TTC27: variants seen among roughly 807,000 people sequenced by gnomAD.
TTC27 encodes the protein tetratricopeptide repeat domain 27, also known as tetratricopeptide repeat protein 27.
Under a neutral mutation model 115.9 loss-of-function variants are expected in TTC27, and 79 were observed. That is an observed-to-expected ratio of 0.68 (90% CI 0.57 to 0.82). TTC27 has a LOEUF of 0.82. Ranked by LOEUF, TTC27 falls within the 40% of genes least tolerant of loss-of-function variation. The pLI, the probability that TTC27 is intolerant of heterozygous loss-of-function variation, is 0.00. For missense variants in TTC27, 1,054 were observed against 993.1 expected (o/e 1.06, Z -0.82); for synonymous variants, 401 against 356.0 (o/e 1.13, Z -1.42).
intron 10 of TTC27, among the ~76,000 whole-genome samples, chr2:32,720,051 C>T (rs1667871612): frequency 6.6e-6 from 1 of 152,150 alleles, no homozygotes; most frequent in Admixed American, 6.5e-5. Flanking sequence ...AGGATCTTCA[C>T]TTCTTAGGTA....
chr2:32,696,923 G>T (rs1193631389), intron 9 of TTC27, among the ~76,000 whole-genome samples: 1 of 152,182 alleles, frequency 6.6e-6, no homozygotes, highest in African/African-American at 2.4e-5. Context: ...TAGCCGATGG[G>T]CGTGGTGGCT....
intron 16 of TTC27, among the ~76,000 whole-genome samples, chr2:32,801,613 G>T (rs1670942665): frequency 6.6e-6 from 1 of 152,226 alleles, no homozygotes; most frequent in Non-Finnish European, 1.5e-5. Flanking sequence ...GCGCACCACA[G>T]CTTTTGTGCT....
At chr2:32,668,064 G>A (rs1001134962) in intron 7 of TTC27, among the ~76,000 whole-genome samples, 1 of 151,906 alleles carries the variant, frequency 6.6e-6, no homozygotes, top group Admixed American at 6.6e-5. Flanking sequence ...GGTGGCGGGT[G>A]CCTGTAGTCC....
At chr2:32,801,891 T>C (rs1027693376) in intron 16 of TTC27, among the ~76,000 whole-genome samples, 1 of 152,160 alleles carries the variant, frequency 6.6e-6, no homozygotes, top group African/African-American at 2.4e-5. Context: ...ATAAAACTTT[T>C]CAAAAGAGAC....
intron 1 of TTC27, 66 bp from the exon 2 acceptor site, chr2:32,630,457 G>T: frequency 6.3e-6 from 8 of 1,271,488 alleles, no homozygotes; most frequent in Non-Finnish European, 8.7e-6. Flanking sequence ...TTACCTAATA[G>T]TGTTATCCTT....
chr2:32,694,385 A>G (rs1290331964), intron 9 of TTC27, among the ~76,000 whole-genome samples: 1 of 152,172 alleles, frequency 6.6e-6, no homozygotes, highest in Non-Finnish European at 1.5e-5. Flanking sequence ...AGCGTGGTAT[A>G]TATGCATACT....
At chr2:32,661,630 T>G (rs1665551697) in intron 5 of TTC27, among the ~76,000 whole-genome samples, 1 of 152,370 alleles carries the variant, frequency 6.6e-6, no homozygotes, top group South Asian at 2.1e-4. Flanking sequence ...ATCCTGAGAC[T>G]TTGCTGAAGT....
chr2:32,698,389 C>T (rs1318840160), intron 9 of TTC27, among the ~76,000 whole-genome samples: 1 of 151,570 alleles, frequency 6.6e-6, no homozygotes, highest in Non-Finnish European at 1.5e-5. Context: ...ACTTCAGCCT[C>T]CCGAAGTGCT....
chr2:32,665,643 C>G (rs1665744898), intron 6 of TTC27, among the ~76,000 whole-genome samples: 1 of 152,110 alleles, frequency 6.6e-6, no homozygotes, highest in African/African-American at 2.4e-5. Flanking sequence ...GCCTGTAATC[C>G]CAGCACTTTG....
At chr2:32,697,066 C>T (rs746083188) in intron 9 of TTC27, among the ~76,000 whole-genome samples, 3 of 151,996 alleles carry the variant, frequency 2.0e-5, no homozygotes, top group Non-Finnish European at 4.4e-5. Flanking sequence ...GTGGCAAGTG[C>T]CTGTAGCCCC....
chr2:32,708,998 TA>T lies in TTC27; in HGVS notation c.1233+6079del, dbSNP rs1459605115. On this transcript the variant is annotated intron_variant, in intron 10 of 19. Transcript: ENST00000317907. ...AGTCATATGCTGATTTGTGACTGCA[TA>T]GGGGGGTTGGCATCCCAAACCCCAC... Among the ~76,000 whole-genome samples the T allele has an allele frequency of 2.1e-4, 32 of 152,204 alleles. 1 individual carries two copies. Among genetic ancestry groups the T allele is most frequent in the African/African-American group, 7.2e-4 (30 of 41,446 alleles).
intron 9 of TTC27, among the ~76,000 whole-genome samples, chr2:32,690,159 G>C (rs1460807597): frequency 6.6e-6 from 1 of 152,144 alleles, no homozygotes; most frequent in Non-Finnish European, 1.5e-5. Context: ...TTTTGTTATA[G>C]AACATTTTGC....
At chr2:32,804,290 C>A (rs1189025636) in intron 16 of TTC27, among the ~76,000 whole-genome samples, 5 of 152,134 alleles carry the variant, frequency 3.3e-5, no homozygotes, top group Admixed American at 6.5e-5. Context: ...GAGAATACCT[C>A]ATTTATCTCG....
At chr2:32,677,372 A>T (rs1041830570) in intron 8 of TTC27, among the ~76,000 whole-genome samples, 4 of 151,956 alleles carry the variant, frequency 2.6e-5, no homozygotes, top group Admixed American at 2.0e-4. Context: ...CTGTTCAAGA[A>T]TTCCTCTGGT....
chr2:32,705,197 C>G (rs966613022), intron 10 of TTC27, among the ~76,000 whole-genome samples: 4 of 152,112 alleles, frequency 2.6e-5, no homozygotes, highest in African/African-American at 7.2e-5. Context: ...AGCCTGGCTT[C>G]TCTTTTGTTT....
chr2:32,680,495 A>T (rs767127877), intron 9 of TTC27, among the ~76,000 whole-genome samples: 9 of 152,086 alleles, frequency 5.9e-5, no homozygotes, highest in Admixed American at 1.3e-4. Context: ...TAAGAATGGG[A>T]TGGGCGCAGC....
intron 10 of TTC27, among the ~76,000 whole-genome samples, chr2:32,726,760 T>C (rs190651007): frequency 3.9e-5 from 6 of 152,346 alleles, no homozygotes; most frequent in Admixed American, 2.6e-4. Flanking sequence ...TGTTAGTCCA[T>C]TTTCATGCTG....
At chr2:32,638,675 G>A (rs1343496057) in intron 3 of TTC27, among the ~76,000 whole-genome samples, 2 of 152,152 alleles carry the variant, frequency 1.3e-5, no homozygotes, top group African/African-American at 4.8e-5. Context: ...ACTGTGCCCG[G>A]CCCTCCTTCT....
chr2:32,790,429 T>G (rs1350531473), intron 16 of TTC27, among the ~76,000 whole-genome samples: 1 of 152,156 alleles, frequency 6.6e-6, no homozygotes, highest in African/African-American at 2.4e-5. Context: ...CATTTTATAA[T>G]TTTATTAATA....
Sources: gnomAD v4.1 joint callset for allele counts (sites outside exome capture counted in the v4.1 genomes callset) on GRCh38, gnomAD v4.1.1 for gene constraint, MANE v1.5 for transcripts, NCBI Gene and HGNC (gene_info 2026-07-23, HGNC 2026-07-21) for gene names.